The following PLCB1 variants were observed in gnomAD, a reference collection of about 807,000 sequenced individuals.
PLCB1 encodes the protein 1-phosphatidylinositol 4,5-bisphosphate phosphodiesterase beta-1.
PLCB1 carries 46 observed loss-of-function variants against 161.8 expected under a neutral mutation model. The observed-to-expected ratio is 0.28, with a 90% CI of 0.22 to 0.36. The LOEUF is 0.36. Ranked by LOEUF, PLCB1 falls within the 10% of genes least tolerant of loss-of-function variation. PLCB1 has a pLI of 1.00. For missense variants in PLCB1, 1,016 were observed against 1,472.5 expected (o/e 0.69, Z 5.07); for synonymous variants, 517 against 503.7 (o/e 1.03, Z -0.35).
At chr20:8,535,202 CAAAAAAAAAA>C (rs11323420) in intron 3 of PLCB1, among the ~76,000 whole-genome samples, 19 of 52,798 alleles carry the variant, frequency 3.6e-4, no homozygotes, top group Admixed American at 1.5e-3. Context: ...AGTTTATGGG[CAAAAAAAAAA>C]AAAAAAAAAA....
chr20:8,479,441 A>T (rs1982410588), intron 3 of PLCB1, among the ~76,000 whole-genome samples: 2 of 152,212 alleles, frequency 1.3e-5, no homozygotes. Flanking sequence ...ATACTGCAAG[A>T]TCTATGTCTA....
intron 10 of PLCB1, among the ~76,000 whole-genome samples, chr20:8,693,437 G>C (rs557274111): frequency 1.3e-5 from 2 of 152,146 alleles, no homozygotes; most frequent in East Asian, 3.9e-4. Flanking sequence ...ATCTAGAGAG[G>C]GTCAAGACAA....
chr20:8,176,521 G>T (rs897869839), intron 2 of PLCB1, among the ~76,000 whole-genome samples: 2 of 152,196 alleles, frequency 1.3e-5, no homozygotes, highest in African/African-American at 4.8e-5. Context: ...TTATAAAAGA[G>T]CAACATGAGG....
intron 2 of PLCB1, among the ~76,000 whole-genome samples, chr20:8,308,305 G>A (rs754526345): frequency 6.6e-6 from 1 of 151,600 alleles, no homozygotes; most frequent in East Asian, 1.9e-4. Flanking sequence ...TCTTCATAGG[G>A]ACTTTCTGAG....
At chr20:8,251,914 G>A (rs1379440924) in intron 2 of PLCB1, among the ~76,000 whole-genome samples, 1 of 151,924 alleles carries the variant, frequency 6.6e-6, no homozygotes, top group African/African-American at 2.4e-5. Flanking sequence ...TTAGGAATCT[G>A]GGTGTGAGTA....
intron 3 of PLCB1, among the ~76,000 whole-genome samples, chr20:8,525,080 A>C (rs1984528343): frequency 6.6e-6 from 1 of 152,152 alleles, no homozygotes; most frequent in African/African-American, 2.4e-5. Context: ...TTAATAGCCT[A>C]TATCCCTTCA....
At chr20:8,764,065 G>T (rs1487009533) in intron 25 of PLCB1, among the ~76,000 whole-genome samples, 1 of 152,110 alleles carries the variant, frequency 6.6e-6, no homozygotes, top group South Asian at 2.1e-4. Context: ...TACTTGGGAG[G>T]CTGAGACATG....
At chr20:8,208,116 G>A (rs1978626087) in intron 2 of PLCB1, among the ~76,000 whole-genome samples, 1 of 152,056 alleles carries the variant, frequency 6.6e-6, no homozygotes, top group African/African-American at 2.4e-5. Flanking sequence ...CCAAAGACTA[G>A]ACAGATATTT....
chr20:8,665,048 G>T (rs1457639094), intron 9 of PLCB1, among the ~76,000 whole-genome samples: 1 of 152,078 alleles, frequency 6.6e-6, no homozygotes, highest in Non-Finnish European at 1.5e-5. Flanking sequence ...CAAACCACAC[G>T]GACCGACAAT....
chr20:8,341,441 A>C (rs1179280024), intron 2 of PLCB1, among the ~76,000 whole-genome samples: 1 of 152,136 alleles, frequency 6.6e-6, no homozygotes, highest in Admixed American at 6.6e-5. Flanking sequence ...CTCACTTTAT[A>C]TGCCTGATGG....
At chr20:8,476,041 C>G (rs1251399289) in intron 3 of PLCB1, among the ~76,000 whole-genome samples, 1 of 152,202 alleles carries the variant, frequency 6.6e-6, no homozygotes, top group Non-Finnish European at 1.5e-5. Flanking sequence ...TGTCATTGCT[C>G]TGTGCTCTTA....
At chr20:8,815,336 C>T (rs997911962) in intron 31 of PLCB1, among the ~76,000 whole-genome samples, 1 of 152,194 alleles carries the variant, frequency 6.6e-6, no homozygotes, top group African/African-American at 2.4e-5. Flanking sequence ...TCCCACTGGA[C>T]AGACTTCTGG....
intron 3 of PLCB1, among the ~76,000 whole-genome samples, chr20:8,520,097 G>C (rs1403678653): frequency 1.3e-5 from 2 of 152,150 alleles, no homozygotes; most frequent in African/African-American, 4.8e-5. Context: ...GTGACAGAAT[G>C]ATAAGAAAAG....
chr20:8,225,133 A>G (rs1477495309), intron 2 of PLCB1, among the ~76,000 whole-genome samples: 2 of 152,200 alleles, frequency 1.3e-5, no homozygotes, highest in Admixed American at 6.6e-5. Context: ...CATTTCATCC[A>G]TGAATATTTT....
At chr20:8,385,196 A>T (rs1246430703) in intron 3 of PLCB1, among the ~76,000 whole-genome samples, 1 of 152,192 alleles carries the variant, frequency 6.6e-6, no homozygotes, top group African/African-American at 2.4e-5. Flanking sequence ...AGGCCCAGGA[A>T]GATCAGGGTT....
intron 1 of PLCB1, among the ~76,000 whole-genome samples, chr20:8,140,095 C>T (rs919183995): frequency 2.0e-5 from 3 of 152,202 alleles, no homozygotes; most frequent in East Asian, 1.9e-4. Flanking sequence ...GCAGCTTACA[C>T]TTCTTTGGCT....
rs188252873 is a variant in PLCB1 at position 8,880,316 on chromosome 20, C to T, written c.3424-1306C>T. On this transcript the variant is annotated intron_variant, in intron 31 of 31. Transcript: ENST00000338037. ...ACCAGACAACTCTCCCTGTTGCCCCCGTTCTCTCCCTGTCTACCGGAGAAT... is the reference window on the plus strand; with the variant it reads ...ACCAGACAACTCTCCCTGTTGCCCCTGTTCTCTCCCTGTCTACCGGAGAAT... Among the ~76,000 whole-genome samples, 323 of 152,178 alleles carry T rather than the reference C, an allele frequency of 2.1e-3. 1 individual carries two copies. The highest frequency in any genetic ancestry group is 7.6e-3 in the African/African-American group (314 of 41,518).
Position 8,684,163 on chromosome 20 carries a change from C to A in PLCB1, c.863-769C>A, listed in dbSNP as rs189802013. Among the ~76,000 whole-genome samples the A allele has an allele frequency of 1.1e-3, 160 of 152,086 alleles. 1 individual carries two copies. Among genetic ancestry groups the A allele is most frequent in the Middle Eastern group, 3.4e-3 (1 of 294 alleles). On this transcript the variant is annotated intron_variant, in intron 9 of 31. Coordinates refer to ENST00000338037, the MANE Select transcript of PLCB1 (RefSeq NM_015192.4). ...CCTCCCAAAGTGCTGGGATTACAGG[C>A]GTGAGCCACCGCGCCCAGCCCCAAA...
In PLCB1 at chr20:8,150,391, T is replaced by A; in HGVS notation, c.177+20T>A. ...AACAAGGTAAGAAATGAGGTATGCCTTTCTTACATTTTTCAGTCGTTTACT... is the reference window on the plus strand; with the variant it reads ...AACAAGGTAAGAAATGAGGTATGCCATTCTTACATTTTTCAGTCGTTTACT... On this transcript the variant is annotated intron_variant, in intron 2 of 31. Transcript: ENST00000338037. 1 of 1,205,052 alleles carries A rather than the reference T, an allele frequency of 8.3e-7. No homozygotes were observed. The highest frequency in any genetic ancestry group is 1.2e-6 in the Non-Finnish European group (1 of 834,984). The allele number at this position is 1,205,052 out of a possible 1,614,324, so 74.6% of individuals were successfully genotyped here.
Sources: allele counts gnomAD v4.1 joint callset (sites outside exome capture counted in the v4.1 genomes callset), GRCh38; gene constraint gnomAD v4.1.1; transcripts MANE v1.5; gene names NCBI Gene and HGNC (gene_info 2026-07-23, HGNC 2026-07-21).